SOX6: variants seen among roughly 807,000 people sequenced by gnomAD.
SOX6 encodes transcription factor SOX-6.
In SOX6, 11 loss-of-function variants were observed where a neutral mutation model predicts 97.8. That is an observed-to-expected ratio of 0.11 (90% CI 0.07 to 0.19). The LOEUF (loss-of-function observed/expected upper bound fraction) is 0.19. Among genes scored for constraint, SOX6 ranks in the 10% least tolerant of loss-of-function variants. The probability of loss-of-function intolerance (pLI) is 1.00; values close to 1 mark genes in which losing one functional copy is unlikely to be tolerated. For missense variants in SOX6, 810 were observed against 1,039.5 expected, an observed-to-expected ratio of 0.78 and a Z score of 3.04; for synonymous variants, 360 against 371.4, an observed-to-expected ratio of 0.97 and a Z score of 0.35.
intron 6 of SOX6, among the ~76,000 whole-genome samples, chr11:16,178,566 G>A (rs1020149385): frequency 6.6e-6 from 1 of 151,930 alleles, no homozygotes; most frequent in Non-Finnish European, 1.5e-5. Flanking sequence ...AGGGCTTGCG[G>A]AAGCTAGGGG....
At position 16,461,551 on chromosome 11, in the gene SOX6, C is replaced by G. The variant is rs866660324; in HGVS notation, c.-5+14764G>C. Among the ~76,000 whole-genome samples the G allele has an allele frequency of 2.6e-5, 4 of 152,256 alleles. No individual in the cohort carries two copies. In the South Asian group the frequency reaches 8.3e-4, roughly 32 times the overall value. On this transcript the variant is annotated intron_variant, in intron 1 of 15. Coordinates refer to the SOX6 transcript ENST00000396356. ...GTTTCCTATCCCATACTATGTGCTTCCATTCGTCTAGCCCATATTCCCCAC... is the reference window on the plus strand; with the variant it reads ...GTTTCCTATCCCATACTATGTGCTTGCATTCGTCTAGCCCATATTCCCCAC...
intron 2 of SOX6, among the ~76,000 whole-genome samples, chr11:16,722,200 G>A (rs945023917): frequency 1.3e-5 from 2 of 151,894 alleles, no homozygotes. Context: ...ATTCTACACA[G>A]CGAAAAAAAA....
chr11:16,600,932 T>G (rs149924006), intron 4 of SOX6, among the ~76,000 whole-genome samples: 32 of 152,284 alleles, frequency 2.1e-4, no homozygotes, highest in Middle Eastern at 6.8e-3. Context: ...TTTCCTACAC[T>G]ATATAGGAGC....
intron 3 of SOX6, among the ~76,000 whole-genome samples, chr11:16,709,686 T>C (rs1848162650): frequency 6.6e-6 from 1 of 152,212 alleles, no homozygotes; most frequent in Non-Finnish European, 1.5e-5. Context: ...CAATTAAACC[T>C]CTTTTCTTTA....
chr11:16,140,981 G>A (rs1204251725), intron 6 of SOX6, among the ~76,000 whole-genome samples: 1 of 152,084 alleles, frequency 6.6e-6, no homozygotes, highest in East Asian at 1.9e-4. Flanking sequence ...GGGTGTCATG[G>A]CAGGTGCCTG....
At chr11:16,173,095 T>C (rs1851082434) in intron 6 of SOX6, among the ~76,000 whole-genome samples, 1 of 151,942 alleles carries the variant, frequency 6.6e-6, no homozygotes. Flanking sequence ...GGATAAGAGT[T>C]AGAAACATGT....
chr11:16,611,254 C>T (rs547496557), intron 4 of SOX6, among the ~76,000 whole-genome samples: 1 of 152,328 alleles, frequency 6.6e-6, no homozygotes, highest in African/African-American at 2.4e-5. Context: ...GTATTTAAAA[C>T]ACCCACGCAA....
intron 1 of SOX6, among the ~76,000 whole-genome samples, chr11:16,385,937 T>G (rs1857970289): frequency 6.6e-6 from 1 of 152,212 alleles, no homozygotes; most frequent in Admixed American, 6.5e-5. Context: ...GTTTCATGTT[T>G]GTTGCTGTTG....
intron 6 of SOX6, among the ~76,000 whole-genome samples, chr11:16,148,390 C>A (rs1050363821): frequency 6.6e-6 from 1 of 152,028 alleles, no homozygotes; most frequent in Admixed American, 6.6e-5. Context: ...TGGAGAAAGC[C>A]GGGATTGTTA....
chr11:15,981,100 G>C (rs762954988), intron 15 of SOX6, among the ~76,000 whole-genome samples: 2 of 152,012 alleles, frequency 1.3e-5, no homozygotes, highest in Non-Finnish European at 2.9e-5. Flanking sequence ...TTCAAGCTTT[G>C]TCTATCAGAA....
upstream of SOX6, among the ~76,000 whole-genome samples, chr11:16,360,576 T>C (rs1459166135): frequency 6.6e-6 from 1 of 152,210 alleles, no homozygotes; most frequent in African/African-American, 2.4e-5. Context: ...ACATATCTTA[T>C]ACTACTCAGC....
intron 13 of SOX6, among the ~76,000 whole-genome samples, chr11:15,993,790 G>T (rs186118493): frequency 6.9e-4 from 105 of 152,318 alleles, no homozygotes; most frequent in African/African-American, 2.4e-3. Context: ...TGATTTGAAT[G>T]ATTTAAAGAG....
intron 1 of SOX6, among the ~76,000 whole-genome samples, chr11:16,382,740 T>G (rs1056089535): frequency 6.6e-6 from 1 of 151,924 alleles, no homozygotes; most frequent in African/African-American, 2.4e-5. Context: ...GGTGTTTTTG[T>G]GCTTAGATCT....
At chr11:16,438,734 G>C (rs1332109515) in intron 1 of SOX6, among the ~76,000 whole-genome samples, 1 of 151,588 alleles carries the variant, frequency 6.6e-6, no homozygotes, top group Admixed American at 6.6e-5. Context: ...ATAGGGGCCA[G>C]AGGGGCAGCA....
At chr11:16,684,500 T>C (rs1341404412) in intron 3 of SOX6, among the ~76,000 whole-genome samples, 1 of 151,678 alleles carries the variant, frequency 6.6e-6, no homozygotes, top group Non-Finnish European at 1.5e-5. Flanking sequence ...AAACACTGCA[T>C]GTTCTCACTC....
intron 4 of SOX6, among the ~76,000 whole-genome samples, chr11:16,579,365 C>T (rs546577324): frequency 2.1e-4 from 32 of 151,794 alleles, no homozygotes; most frequent in Non-Finnish European, 2.4e-4. Flanking sequence ...TATACGTATT[C>T]TCCCATATAA....
Position 16,353,410 on chromosome 11 carries a change from A to G in SOX6, c.-5+2684T>C, listed in dbSNP as rs1259172391. Among the ~76,000 whole-genome samples, 5 of 152,122 alleles carry G rather than the reference A, an allele frequency of 3.3e-5. No homozygotes were observed. The South Asian group carries it at 6.2e-4, about 19-fold the overall frequency. The stretch of plus-strand genomic sequence containing the variant: ...AGGAAAAGAAATAGAAAAGCCTCTC[A>G]TATGAGGACATGAATTCTTATAAAT... On this transcript the variant is annotated intron_variant, in intron 1 of 15. Coordinates refer to ENST00000683767, the MANE Select transcript of SOX6 (RefSeq NM_001367873.1).
intron 4 of SOX6, among the ~76,000 whole-genome samples, chr11:16,188,743 T>C (rs1851549826): frequency 6.6e-6 from 1 of 152,164 alleles, no homozygotes; most frequent in South Asian, 2.1e-4. Context: ...ACACAGTCCC[T>C]ATTCTTAGGC....
chr11:16,254,723 C>G (rs138228921), intron 3 of SOX6, among the ~76,000 whole-genome samples: 3 of 151,778 alleles, frequency 2.0e-5, no homozygotes, highest in Non-Finnish European at 4.4e-5. Context: ...TAAAAATGAA[C>G]GACAAGGACA....
Sources: gnomAD v4.1 joint callset for allele counts (sites outside exome capture counted in the v4.1 genomes callset) on GRCh38, gnomAD v4.1.1 for gene constraint, MANE v1.5 for transcripts, NCBI Gene and HGNC (gene_info 2026-07-23, HGNC 2026-07-21) for gene names.